The following IMMP2L variants were observed in gnomAD, a reference collection of about 807,000 sequenced individuals.
IMMP2L encodes the protein inner mitochondrial membrane peptidase subunit 2.
A neutral mutation model predicts 19.3 loss-of-function variants in IMMP2L; 18 were observed. That is an observed-to-expected ratio of 0.93 (90% CI 0.64 to 1.38). IMMP2L has a LOEUF of 1.38. Ranked by LOEUF, IMMP2L falls within the 40% of genes most tolerant of loss-of-function variation. The probability of loss-of-function intolerance (pLI) is 0.00; values close to 1 mark genes in which losing one functional copy is unlikely to be tolerated. For missense variants in IMMP2L, 233 were observed against 218.2 expected, an observed-to-expected ratio of 1.07 and a Z score of -0.43; for synonymous variants, 76 against 73.0, an observed-to-expected ratio of 1.04 and a Z score of -0.21.
intron 3 of IMMP2L, among the ~76,000 whole-genome samples, chr7:111,101,306 C>A (rs149811234): frequency 9.9e-4 from 150 of 151,432 alleles, no homozygotes; most frequent in African/African-American, 3.5e-3. Context: ...TTGAACAGAA[C>A]CTTGGCATAC....
intron 3 of IMMP2L, among the ~76,000 whole-genome samples, chr7:111,479,582 G>T (rs551274398): frequency 6.6e-6 from 1 of 152,026 alleles, no homozygotes; most frequent in South Asian, 2.1e-4. Flanking sequence ...AATTAATTTT[G>T]TTGTAATTAT....
At chr7:111,302,592 A>G (rs927733919) in intron 3 of IMMP2L, among the ~76,000 whole-genome samples, 6 of 152,148 alleles carry the variant, frequency 3.9e-5, no homozygotes, top group African/African-American at 1.4e-4. Context: ...TATATAAATA[A>G]AAGAAATTGA....
chr7:111,096,699 T>A (rs1563237806), intron 3 of IMMP2L, among the ~76,000 whole-genome samples: 1 of 151,810 alleles, frequency 6.6e-6, no homozygotes, highest in African/African-American at 2.4e-5. Flanking sequence ...TCCAGGTTAC[T>A]AAAAATTATG....
chr7:110,684,600 T>C (rs1792976011), intron 5 of IMMP2L, among the ~76,000 whole-genome samples: 1 of 152,040 alleles, frequency 6.6e-6, no homozygotes, highest in Non-Finnish European at 1.5e-5. Flanking sequence ...TGATGCTTTA[T>C]ACACCTAGGG....
At chr7:110,932,001 C>T (rs530236153) in intron 4 of IMMP2L, among the ~76,000 whole-genome samples, 1 of 152,282 alleles carries the variant, frequency 6.6e-6, no homozygotes, top group South Asian at 2.1e-4. Flanking sequence ...TCCCTGACTA[C>T]CTGAACCCTC....
intron 3 of IMMP2L, among the ~76,000 whole-genome samples, chr7:111,000,214 T>C (rs2129561153): frequency 6.6e-6 from 1 of 152,318 alleles, no homozygotes; most frequent in South Asian, 2.1e-4. Flanking sequence ...CATACCTCTA[T>C]GGACCTTGCT....
chr7:111,129,326 C>G (rs1801625298), intron 3 of IMMP2L, among the ~76,000 whole-genome samples: 1 of 151,684 alleles, frequency 6.6e-6, no homozygotes, highest in Admixed American at 6.6e-5. Context: ...TTTCTTTGAT[C>G]CAACCTTTTT....
At chr7:110,850,233 CA>C (rs1806065043) in intron 5 of IMMP2L, among the ~76,000 whole-genome samples, 2 of 151,800 alleles carry the variant, frequency 1.3e-5, no homozygotes, top group South Asian at 4.1e-4. Context: ...CAAAATAAAG[CA>C]AAAAAACCAA....
At chr7:111,553,419 G>T (rs570224218) in intron 1 of IMMP2L, among the ~76,000 whole-genome samples, 1 of 152,102 alleles carries the variant, frequency 6.6e-6, no homozygotes, top group Non-Finnish European at 1.5e-5. Context: ...CATTCTTAAC[G>T]AATATAATGG....
chr7:110,705,937 A>T (rs1404788625), intron 5 of IMMP2L, among the ~76,000 whole-genome samples: 1 of 152,004 alleles, frequency 6.6e-6, no homozygotes, highest in East Asian at 1.9e-4. Context: ...GTGTATATGT[A>T]CTACATTTTC....
chr7:111,483,241 A>G (rs1323832361), intron 3 of IMMP2L, among the ~76,000 whole-genome samples: 1 of 152,166 alleles, frequency 6.6e-6, no homozygotes, highest in Non-Finnish European at 1.5e-5. Context: ...TTTAAATGTG[A>G]TTATTTAGGA....
intron 3 of IMMP2L, among the ~76,000 whole-genome samples, chr7:111,458,406 A>G (rs1221931859): frequency 2.0e-5 from 3 of 152,092 alleles, no homozygotes; most frequent in Admixed American, 2.0e-4. Context: ...ATGGAATGCT[A>G]TCATTCTGTC....
intron 4 of IMMP2L, among the ~76,000 whole-genome samples, chr7:110,939,714 G>C (rs1816527343): frequency 6.6e-6 from 1 of 152,134 alleles, no homozygotes; most frequent in South Asian, 2.1e-4. Flanking sequence ...GTAGGGTACA[G>C]CTCAGTGACT....
At chr7:111,420,412 C>T (rs1487647808) in intron 3 of IMMP2L, among the ~76,000 whole-genome samples, 1 of 151,476 alleles carries the variant, frequency 6.6e-6, no homozygotes, top group Non-Finnish European at 1.5e-5. Flanking sequence ...GTGAAACTTT[C>T]TTTTTTTTAA....
At chr7:110,945,192 G>A (rs1261421898) in intron 4 of IMMP2L, among the ~76,000 whole-genome samples, 1 of 151,880 alleles carries the variant, frequency 6.6e-6, no homozygotes, top group African/African-American at 2.4e-5. Context: ...GATTGTGAGG[G>A]GCCGCATCTG....
intron 5 of IMMP2L, among the ~76,000 whole-genome samples, chr7:110,674,920 T>C (rs1001777183): frequency 6.6e-6 from 1 of 152,206 alleles, no homozygotes; most frequent in Non-Finnish European, 1.5e-5. Flanking sequence ...TGGATCTCTC[T>C]TGTAAGACCC....
Position 111,123,274 on chromosome 7 carries a change from CG to C in IMMP2L, c.240-159710del. On this transcript the variant is annotated intron_variant, in intron 3 of 5. Transcript: ENST00000405709. The surrounding 1 kb of genome is among the most constrained non-coding windows in gnomAD (Gnocchi z 6.4). ...CTTTATTGGCCTACATAATCTTCTT[CG>C]ACTTCATCTCAATTCAAATAGATTG... 1 of 1,613,740 alleles carries C rather than the reference CG, an allele frequency of 6.2e-7. No individual in the cohort carries two copies. The highest frequency in any genetic ancestry group is 8.5e-7 in the Non-Finnish European group (1 of 1,179,910).
chr7:111,449,720 C>T (rs1838924858), intron 3 of IMMP2L, among the ~76,000 whole-genome samples: 1 of 43,160 alleles, frequency 2.3e-5, no homozygotes, highest in South Asian at 5.8e-4. Context: ...GGCAATCAGG[C>T]AGGAGAAGGA....
intron 3 of IMMP2L, among the ~76,000 whole-genome samples, chr7:111,196,935 G>T (rs945895650): frequency 3.3e-5 from 5 of 152,098 alleles, no homozygotes; most frequent in Non-Finnish European, 7.3e-5. Flanking sequence ...TCGCTGAATA[G>T]GTATATCAAT....
Sources: gnomAD v4.1 joint callset for allele counts (sites outside exome capture counted in the v4.1 genomes callset) on GRCh38, gnomAD v4.1.1 for gene constraint, Gnocchi (gnomAD v3.1) non-coding constraint, MANE v1.5 for transcripts, NCBI Gene and HGNC (gene_info 2026-07-23, HGNC 2026-07-21) for gene names.